ARMH4: variants seen among roughly 807,000 people sequenced by gnomAD.
The protein encoded by ARMH4 is armadillo-like helical domain-containing protein 4.
In ARMH4, 49 loss-of-function variants were observed where a neutral mutation model predicts 61.9. That is an observed-to-expected ratio of 0.79 (90% CI 0.63 to 1.00). The LOEUF is 1.00. Ranked by LOEUF, ARMH4 falls within the 50% of genes least tolerant of loss-of-function variation. ARMH4 has a pLI of 0.00. For synonymous variants in ARMH4, 368 were observed against 341.5 expected (o/e 1.08, Z -0.85); for missense variants, 934 against 930.0 (o/e 1.00, Z -0.06).
chr14:58,087,208 T>C (rs1480015691), intron 5 of ARMH4, among the ~76,000 whole-genome samples: 1 of 152,242 alleles, frequency 6.6e-6, no homozygotes, highest in Non-Finnish European at 1.5e-5. Flanking sequence ...ATTTCAAAAA[T>C]AACTTCAGCT....
chr14:58,056,509 G>A (rs56001953), intron 5 of ARMH4, among the ~76,000 whole-genome samples: 1,873 of 152,300 alleles, frequency 0.012, 32 homozygotes, highest in African/African-American at 0.043. Flanking sequence ...GATGCTTTAG[G>A]AGGAGAAAGG....
intron 4 of ARMH4, among the ~76,000 whole-genome samples, chr14:58,109,813 G>C (rs1194576111): frequency 6.6e-6 from 1 of 152,168 alleles, no homozygotes; most frequent in Non-Finnish European, 1.5e-5. Flanking sequence ...GCCTGAGACT[G>C]GGTAATGCAT....
At chr14:58,103,087 C>A (rs1320128903) in intron 4 of ARMH4, among the ~76,000 whole-genome samples, 1 of 151,056 alleles carries the variant, frequency 6.6e-6, no homozygotes, top group Non-Finnish European at 1.5e-5. Context: ...GAGCCGAGAT[C>A]GCACCATTGC....
Position 58,005,093 on chromosome 14 carries a change from A to T in ARMH4, c.2211T>A (p.Val737=). The stretch of plus-strand genomic sequence containing the variant: ...AGCCATTTCTCCTTCGGCGATTCAT[A>T]ACCTTAATGCTGTAGAGGGCTCCCA... The part of the protein sequence containing the change: ...FILGALYSIK[V]MNRRRRNGFK... Residue 737 remains valine, a synonymous_variant, in exon 7 of 8, where the codon GTT becomes GTA. Coordinates refer to ENST00000267485, the MANE Select transcript of ARMH4 (RefSeq NM_001001872.4). The T allele has an allele frequency of 6.2e-7, 1 of 1,614,078 alleles. No individual in the cohort carries two copies. The highest frequency in any genetic ancestry group is 8.5e-7 in the Non-Finnish European group (1 of 1,179,966).
chr14:58,021,898 T>G (rs1274538936), intron 5 of ARMH4, among the ~76,000 whole-genome samples: 3 of 152,190 alleles, frequency 2.0e-5, no homozygotes, highest in Non-Finnish European at 4.4e-5. Flanking sequence ...AGAGAAGGTA[T>G]CACCCTAGGA....
At chr14:58,128,350 T>C (rs1320216776) in intron 4 of ARMH4, among the ~76,000 whole-genome samples, 1 of 152,224 alleles carries the variant, frequency 6.6e-6, no homozygotes. Context: ...AATTAATTTA[T>C]GCAGTTATAA....
intron 5 of ARMH4, among the ~76,000 whole-genome samples, chr14:58,031,002 T>G (rs79852184): frequency 0.031 from 4,795 of 152,292 alleles, 94 homozygotes; most frequent in Middle Eastern, 0.075. Flanking sequence ...GAAGTAGAAT[T>G]AGGTTATTAC....
At position 58,097,556 on chromosome 14, in the gene ARMH4, C is replaced by T. The variant is rs1013662172; in HGVS notation, c.1832-575G>A. 2.0e-5 allele frequency among the ~76,000 whole-genome samples: 3 copies of T among 152,160 alleles called. No homozygotes were observed. The East Asian group carries it at 5.8e-4, about 29-fold the overall frequency. On this transcript the variant is annotated intron_variant, in intron 4 of 7. Coordinates refer to ENST00000267485, the MANE Select transcript of ARMH4 (RefSeq NM_001001872.4). ...AACTGGAAATAATTGCATCAACATT[C>T]TCAATCCAACTCTAAAGGAATTGGG...
intron 1 of ARMH4, among the ~76,000 whole-genome samples, chr14:58,143,006 C>T (rs1254968189): frequency 6.6e-6 from 1 of 152,222 alleles, no homozygotes; most frequent in Non-Finnish European, 1.5e-5. Flanking sequence ...GGTCCAGCAG[C>T]CCCAGTCAAC....
intron 5 of ARMH4, among the ~76,000 whole-genome samples, chr14:58,082,331 T>G (rs1885254975): frequency 6.6e-6 from 1 of 152,248 alleles, no homozygotes; most frequent in African/African-American, 2.4e-5. Flanking sequence ...TCTCTTACAA[T>G]GCTCCTTTGC....
In ARMH4 at chr14:58,004,313, G is replaced by C. The variant is rs1287578127; in HGVS notation, c.*423C>G. Reference sequence around the variant, plus strand: ...GTTTCAAGTAGGTAGAGTATATCTTGAGAAGTTATTCTTTGTTAAGATTTA... The same window carrying C: ...GTTTCAAGTAGGTAGAGTATATCTTCAGAAGTTATTCTTTGTTAAGATTTA... On this transcript the variant is annotated 3_prime_UTR_variant, in exon 8 of 8. Transcript: ENST00000267485. 1 of 156,958 alleles carries C rather than the reference G, an allele frequency of 6.4e-6. No individual in the cohort carries two copies. Among genetic ancestry groups the C allele is most frequent in the Non-Finnish European group, 1.4e-5 (1 of 70,968 alleles). The allele number at this position is 156,958 out of a possible 1,614,324, so 9.7% of individuals were successfully genotyped here.
chr14:58,030,971 AT>A (rs1277766066), intron 5 of ARMH4, among the ~76,000 whole-genome samples: 1 of 152,082 alleles, frequency 6.6e-6, no homozygotes, highest in Non-Finnish European at 1.5e-5. Flanking sequence ...TCTGCTTTCA[AT>A]TTTTTTGTAT....
In ARMH4 at chr14:58,138,663, C is replaced by T. The variant is rs1486193003; in HGVS notation, c.696G>A (p.Arg232=). Residue 232 remains arginine, a synonymous_variant, in exon 2 of 8, where the codon AGG becomes AGA. Transcript: ENST00000267485. The part of the protein sequence containing the change: ...TEKFEADTDH[R]TTSFPGAEST... ...ACTCAGCACCAGGAAAAGAAGTTGTCCTGTGGTCTGTGTCTGCTTCAAATT... is the reference window on the plus strand; with the variant it reads ...ACTCAGCACCAGGAAAAGAAGTTGTTCTGTGGTCTGTGTCTGCTTCAAATT... 1 of 1,614,014 alleles carries T rather than the reference C, an allele frequency of 6.2e-7. No homozygotes were observed. The highest frequency in any genetic ancestry group is 2.2e-5 in the East Asian group (1 of 44,884).
At chr14:58,028,355 G>T (rs1338401236) in intron 5 of ARMH4, among the ~76,000 whole-genome samples, 1 of 152,182 alleles carries the variant, frequency 6.6e-6, no homozygotes, top group Non-Finnish European at 1.5e-5. Context: ...TACACCAGGA[G>T]CTTCACCCAC....
chr14:58,020,937 G>A (rs967562556), intron 5 of ARMH4, among the ~76,000 whole-genome samples: 4 of 152,198 alleles, frequency 2.6e-5, no homozygotes, highest in Non-Finnish European at 5.9e-5. Flanking sequence ...CCAAAGGCCT[G>A]AGAACCAGGA....
intron 4 of ARMH4, among the ~76,000 whole-genome samples, chr14:58,130,403 G>A (rs974031134): frequency 6.7e-6 from 1 of 149,500 alleles, no homozygotes; most frequent in Non-Finnish European, 1.5e-5. Context: ...CCTTCCCTTC[G>A]CTTTAGACAA....
At position 58,001,625 on chromosome 14, in the gene ARMH4, G is replaced by A. The variant is rs73308409; in HGVS notation, c.*3111C>T. On this transcript the variant is annotated 3_prime_UTR_variant, in exon 8 of 8. Transcript: ENST00000267485. Reference sequence around the variant, plus strand: ...AATAGGTGTGAGGTGGTATCTCATTGTGACTTTAAATGACCTTGTCTCTAT... The same window carrying A: ...AATAGGTGTGAGGTGGTATCTCATTATGACTTTAAATGACCTTGTCTCTAT... 3.4e-3 allele frequency: 519 copies of A among 152,212 alleles called. 1 individual carries two copies. The highest frequency in any genetic ancestry group is 0.012 in the African/African-American group (485 of 41,504). The allele number at this position is 152,212 out of a possible 1,614,324, so 9.4% of individuals were successfully genotyped here.
chr14:58,021,742 T>C (rs947263340), intron 5 of ARMH4, among the ~76,000 whole-genome samples: 9 of 152,116 alleles, frequency 5.9e-5, no homozygotes, highest in Non-Finnish European at 1.0e-4. Flanking sequence ...AGGTAGGGAA[T>C]GGTCAGAGAG....
Position 58,036,274 on chromosome 14 carries a change from AT to A in ARMH4, c.2090-24125del, listed in dbSNP as rs1183170835. On this transcript the variant is annotated intron_variant, in intron 5 of 7. Coordinates refer to ENST00000267485, the MANE Select transcript of ARMH4 (RefSeq NM_001001872.4). ...CGCAAATCAATAAATGTAATCCAGCATATAAACAGAGCCAAAGACAAAAACC... is the reference window on the plus strand; with the variant it reads ...CGCAAATCAATAAATGTAATCCAGCAATAAACAGAGCCAAAGACAAAAACC... 5.2e-5 allele frequency among the ~76,000 whole-genome samples: 4 copies of A among 76,214 alleles called. 1 individual carries two copies. Among genetic ancestry groups the A allele is most frequent in the Non-Finnish European group, 2.8e-5 (1 of 35,410 alleles). 50.0% of individuals were successfully genotyped at this position (76,214 alleles called of 152,430 possible). A position where few individuals can be genotyped will look rare whatever the true frequency, so the allele number is the denominator to read the frequency against.
Sources: gnomAD v4.1 joint callset for allele counts (sites outside exome capture counted in the v4.1 genomes callset) on GRCh38, gnomAD v4.1.1 for gene constraint, MANE v1.5 for transcripts, NCBI Gene and HGNC (gene_info 2026-07-23, HGNC 2026-07-21) for gene names.